COL6A6: variants seen among roughly 807,000 people sequenced by gnomAD.
COL6A6 encodes collagen alpha-6(VI) chain.
Under a neutral mutation model 208.6 loss-of-function variants are expected in COL6A6, and 183 were observed. The ratio of observed to expected loss-of-function variants is 0.88; its 90% CI spans 0.78 to 0.99. COL6A6 has a LOEUF of 0.99. Ranked by LOEUF, COL6A6 falls within the 50% of genes least tolerant of loss-of-function variation. The pLI, the probability that COL6A6 is intolerant of heterozygous loss-of-function variation, is 0.00. For synonymous variants in COL6A6, 973 were observed against 1,011.8 expected, an observed-to-expected ratio of 0.96 and a Z score of 0.73; for missense variants, 2,816 against 2,815.2, an observed-to-expected ratio of 1.00 and a Z score of -0.01.
At position 130,661,966 on chromosome 3, in the gene COL6A6, C is replaced by G; in HGVS notation, c.6160C>G (p.Gln2054Glu). 6.2e-7 allele frequency: 1 copy of G among 1,613,986 alleles called. No individual in the cohort carries two copies. The highest frequency in any genetic ancestry group is 8.5e-7 in the Non-Finnish European group (1 of 1,179,888). ...GAGGCATGTGCACGAGTCAGTTAAA[C>G]AACTAAATGGAGATGCTTTTATTGG... ...MKRHVHESVKQLNGDAFIGHA... is the reference protein window; with the variant it reads ...MKRHVHESVKELNGDAFIGHA... The change falls in exon 35 of 37, where the codon CAA becomes GAA. Residue 2054 changes from glutamine (Q) to glutamate (E), a missense_variant. Gln to Glu is a conservative substitution (Grantham distance 29). Coordinates refer to ENST00000358511, the MANE Select transcript of COL6A6 (RefSeq NM_001102608.3).
chr3:130,609,784 G>A (rs1226084538), intron 22 of COL6A6, among the ~76,000 whole-genome samples: 1 of 151,964 alleles, frequency 6.6e-6, no homozygotes, highest in Non-Finnish European at 1.5e-5. Flanking sequence ...TTATATGTTG[G>A]CAGCTTTTTG....
At chr3:130,638,937 G>A (rs1208988855) in intron 28 of COL6A6, among the ~76,000 whole-genome samples, 3 of 152,102 alleles carry the variant, frequency 2.0e-5, no homozygotes, top group African/African-American at 4.8e-5. Flanking sequence ...CTGGGCATTA[G>A]GTAGGTCCTT....
chr3:130,604,687 C>G (rs1484618418), intron 20 of COL6A6, among the ~76,000 whole-genome samples: 1 of 152,060 alleles, frequency 6.6e-6, no homozygotes, highest in African/African-American at 2.4e-5. Flanking sequence ...GGAACAGGAA[C>G]TCAATAAATA....
At chr3:130,621,990 C>A in intron 24 of COL6A6, 107 bp downstream of exon 24, 1 of 948,614 alleles carries the variant, frequency 1.1e-6, no homozygotes. Flanking sequence ...AACACATTTT[C>A]TGGTCCTTAA....
intron 33 of COL6A6, among the ~76,000 whole-genome samples, chr3:130,651,309 C>T (rs898768150): frequency 3.3e-5 from 5 of 151,798 alleles, no homozygotes; most frequent in Admixed American, 3.3e-4. Flanking sequence ...GCCTGTAATC[C>T]CAGCTACTCA....
chr3:130,582,279 C>T (rs1458178951), intron 10 of COL6A6, among the ~76,000 whole-genome samples: 1 of 152,196 alleles, frequency 6.6e-6, no homozygotes, highest in Non-Finnish European at 1.5e-5. Flanking sequence ...TGAAACAGCA[C>T]TGAATACAAA....
chr3:130,606,994 AAT>A, intron 21 of COL6A6, 28 bp downstream of exon 21: 1 of 1,573,004 alleles, frequency 6.4e-7, no homozygotes, highest in East Asian at 2.3e-5. Context: ...CTTAACTCCA[AAT>A]AACAAATACT....
At chr3:130,634,732 A>G (rs2065060349) in intron 27 of COL6A6, 107 bp downstream of exon 27, 3 of 784,242 alleles carry the variant, frequency 3.8e-6, no homozygotes, top group Admixed American at 6.2e-5. Flanking sequence ...TAAATGTCCT[A>G]CCTTTGTGCG....
In COL6A6 at chr3:130,592,959, G is replaced by A. The variant is rs574775236; in HGVS notation, c.4372-102G>A. ...TAATAACCCAGGCCCAGCCTCACAA[G>A]GAGGCTGTATGTGAAACACAAAAAT... On this transcript the variant is annotated intron_variant, in intron 15 of 36. Transcript: ENST00000358511. 63 of 1,071,472 alleles carry A rather than the reference G, an allele frequency of 5.9e-5. No individual in the cohort carries two copies. The African/African-American group carries it at 8.5e-4, about 14-fold the overall frequency. The allele number at this position is 1,071,472 out of a possible 1,614,324, so 66.4% of individuals were successfully genotyped here. A position where few individuals can be genotyped will look rare whatever the true frequency, so the allele number is the denominator to read the frequency against.
rs1469073547 is a variant in COL6A6, at chr3:130,566,732, A to G, written c.1313A>G (p.Tyr438Cys). 3.1e-6 allele frequency: 5 copies of G among 1,612,418 alleles called. No individual in the cohort carries two copies. Among genetic ancestry groups the G allele is most frequent in the Admixed American group, 1.7e-5 (1 of 59,842 alleles). Residue 438 changes from tyrosine to cysteine, a missense_variant, in exon 5 of 37, where the codon TAT becomes TGT. Coordinates refer to ENST00000358511, the MANE Select transcript of COL6A6 (RefSeq NM_001102608.3). ...GTGGACACTGAGGAAGCAGACATCT[A>G]TCTGCTTATCGATGGCTCAGGGAGC... is the stretch of plus-strand genomic sequence containing the variant. Reference protein sequence around the residue: ...GCVDTEEADIYLLIDGSGSTQ... With the variant: ...GCVDTEEADICLLIDGSGSTQ...
Position 130,517,311 on chromosome 3 carries a change from G to T in COL6A6, c.-118G>T, listed in dbSNP as rs1710789111. Among the ~76,000 whole-genome samples, 1 of 152,232 alleles carries T rather than the reference G, an allele frequency of 6.6e-6. No individual in the cohort carries two copies. Among genetic ancestry groups the T allele is most frequent in the South Asian group, 2.1e-4 (1 of 4,832 alleles). ...CCAAACTCTGCGCTCCCCGCGGTGC[G>T]CCCTGCCCGCGCAGTGCGCGTCCAG... is the stretch of plus-strand genomic sequence containing the variant. On this transcript the variant is annotated 5_prime_UTR_variant, in exon 1 of 37. Transcript: ENST00000358511.
chr3:130,571,744 G>A (rs1577740403), intron 7 of COL6A6, among the ~76,000 whole-genome samples: 1 of 151,604 alleles, frequency 6.6e-6, no homozygotes, highest in African/African-American at 2.4e-5. Context: ...GCATGATCAC[G>A]GCTCACTGCA....
rs1194356714 is a variant in COL6A6 at position 130,568,063 on chromosome 3, A to T, written c.1860A>T (p.Lys620Asn). 6.2e-7 allele frequency: 1 copy of T among 1,609,784 alleles called. No homozygotes were observed. The highest frequency in any genetic ancestry group is 8.5e-7 in the Non-Finnish European group (1 of 1,177,934). The change falls in exon 6 of 37, where the codon AAA (lysine) becomes AAT (asparagine). Residue 620 changes from lysine to asparagine, a missense_variant. Transcript: ENST00000358511. ...CCTATGCAGCTTGCAAAGAGATGAA[A>T]GCTGACATCATGTTTCTGGTGGACA... ...ICTEEACKEM[K>N]ADIMFLVDSS... is the part of the protein sequence containing the mutation.
Position 130,614,843 on chromosome 3 carries a change from G to C in COL6A6, c.4815+4132G>C, listed in dbSNP as rs562084714. On this transcript the variant is annotated intron_variant, in intron 23 of 36. Transcript: ENST00000358511. ...TGAGAGGTCTTTTTGTATTTCTGTG[G>C]GGTCAGTGGTAATGCCCCCTTTTTC... Among the ~76,000 whole-genome samples, 8 of 152,132 alleles carry C rather than the reference G, an allele frequency of 5.3e-5. No individual in the cohort carries two copies. In the South Asian group the frequency reaches 1.7e-3, roughly 32 times the overall value.
intron 1 of COL6A6, among the ~76,000 whole-genome samples, chr3:130,558,496 G>A (rs1199493688): frequency 2.0e-5 from 3 of 152,210 alleles, no homozygotes; most frequent in Non-Finnish European, 2.9e-5. Flanking sequence ...GTAAATACTA[G>A]AGGTATTGAT....
chr3:130,592,599 C>T lies in COL6A6; in HGVS notation c.4331C>T (p.Thr1444Ile). ...CAAGGTACTAAGGGATGCTATGGCA[C>T]CAAAGGTCCTAAGGTAAGGATTGCA... ...GEQGTKGCYGTKGPKGNRGLN... is the reference protein window; with the variant it reads ...GEQGTKGCYGIKGPKGNRGLN... The change falls in exon 14 of 37, where the codon ACC (threonine) becomes ATC (isoleucine). Residue 1444 changes from threonine to isoleucine, a missense_variant. By Grantham distance (89) the Thr-to-Ile change is moderately conservative. Transcript: ENST00000358511. 6.2e-7 allele frequency: 1 copy of T among 1,613,304 alleles called. No homozygotes were observed. The highest frequency in any genetic ancestry group is 8.5e-7 in the Non-Finnish European group (1 of 1,179,470).
chr3:130,597,506 G>A (rs1206604323), intron 18 of COL6A6, among the ~76,000 whole-genome samples: 4 of 152,180 alleles, frequency 2.6e-5, no homozygotes. Context: ...GGAAATCTGA[G>A]CTGCTATCAG....
rs142184418 is a variant in COL6A6 at position 130,645,381 on chromosome 3, G to C, written c.5239+379G>C. 2.6e-5 allele frequency among the ~76,000 whole-genome samples: 4 copies of C among 152,238 alleles called. No homozygotes were observed. The East Asian group carries it at 7.7e-4, about 29-fold the overall frequency. On this transcript the variant is annotated intron_variant, in intron 32 of 36. Coordinates refer to ENST00000358511, the MANE Select transcript of COL6A6 (RefSeq NM_001102608.3). ...CATTCTTGACCTTCTGGGCTCAAGTGATCCTTCCACTTCAACCTCCGGAGT... is the reference window on the plus strand; with the variant it reads ...CATTCTTGACCTTCTGGGCTCAAGTCATCCTTCCACTTCAACCTCCGGAGT...
intron 36 of COL6A6, among the ~76,000 whole-genome samples, chr3:130,665,546 T>A (rs536887751): frequency 6.6e-6 from 1 of 152,096 alleles, no homozygotes; most frequent in African/African-American, 2.4e-5. Flanking sequence ...GACAAAGGAG[T>A]CATCTTGATG....
Sources: gnomAD v4.1 joint callset for allele counts (sites outside exome capture counted in the v4.1 genomes callset) on GRCh38, gnomAD v4.1.1 for gene constraint, MANE v1.5 for transcripts, NCBI Gene and HGNC (gene_info 2026-07-23, HGNC 2026-07-21) for gene names.